The following DAP3 variants were observed in gnomAD, a reference collection of about 807,000 sequenced individuals.
DAP3 encodes death associated protein 3, also known as small ribosomal subunit protein mS29.
A neutral mutation model predicts 51.9 loss-of-function variants in DAP3; 28 were observed. The observed-to-expected ratio is 0.54, with a 90% CI of 0.40 to 0.74. The LOEUF (loss-of-function observed/expected upper bound fraction) is 0.74, where lower values mean the gene tolerates loss of function less well. DAP3 is among the 30% of genes least tolerant of loss of function. The pLI is 0.00. For synonymous variants in DAP3, 170 were observed against 170.3 expected (o/e 1.00, Z 0.01); for missense variants, 458 against 483.5 (o/e 0.95, Z 0.49).
At chr1:155,720,385 G>A (rs1317736445) in intron 3 of DAP3, among the ~76,000 whole-genome samples, 1 of 143,990 alleles carries the variant, frequency 6.9e-6, no homozygotes, top group Non-Finnish European at 1.5e-5. Context: ...GCTCACGCCT[G>A]TAATCCCAGC....
chr1:155,727,499 A>G (rs1658740881), intron 6 of DAP3, 109 bp from the exon 7 acceptor site: 1 of 1,211,976 alleles, frequency 8.3e-7, no homozygotes, highest in African/African-American at 1.6e-5. Flanking sequence ...AAAGAAATAT[A>G]TATATGAGAA....
In DAP3 at chr1:155,706,748, A is replaced by AAAAT. The variant is rs566737528; in HGVS notation, c.-7-3001_-7-2998dup. 1.8e-3 allele frequency among the ~76,000 whole-genome samples: 276 copies of AAAAT among 151,930 alleles called. 3 individuals carry two copies. Among genetic ancestry groups the AAAAT allele is most frequent in the South Asian group, 6.7e-3 (32 of 4,806 alleles). On this transcript the variant is annotated intron_variant, in intron 1 of 12. Transcript: ENST00000368336. ...GGGTGACAGAGCAAGACTTCATCGC[A>AAAAT]AAATAAATAAATAAATAAATAAATA...
At chr1:155,692,846 C>G (rs952006641) in intron 1 of DAP3, among the ~76,000 whole-genome samples, 2 of 142,008 alleles carry the variant, frequency 1.4e-5, no homozygotes, top group Admixed American at 6.6e-5. Flanking sequence ...TGTCTAAGAT[C>G]ATTTATTTGA....
Position 155,738,240 on chromosome 1 carries a change from T to C in DAP3, c.1195T>C (p.Ter399GlnextTer59). Residue 399 changes from the stop codon to glutamine (Q), a stop_lost, in exon 13 of 13, where the codon TAA becomes CAA. Coordinates refer to ENST00000368336, the MANE Select transcript of DAP3 (RefSeq NM_004632.4). ...GCTGGAGCGGCACTGTGCCTACCTC[T>C]AAGCCAAGATCACAGCATGTGAGGA... ...SLLERHCAYL[*>Q] 6.2e-7 allele frequency: 1 copy of C among 1,614,184 alleles called. No individual in the cohort carries two copies. Among genetic ancestry groups the C allele is most frequent in the Non-Finnish European group, 8.5e-7 (1 of 1,180,016 alleles).
intron 11 of DAP3, 125 bp from the exon 12 acceptor site, chr1:155,736,821 G>C: frequency 1.2e-6 from 1 of 814,562 alleles, no homozygotes; most frequent in Admixed American, 2.0e-5. Flanking sequence ...TGTTGCCAGA[G>C]AATGAGAAGT....
chr1:155,723,831 G>T (rs1658264565), intron 4 of DAP3, among the ~76,000 whole-genome samples: 1 of 152,152 alleles, frequency 6.6e-6, no homozygotes, highest in South Asian at 2.1e-4. Flanking sequence ...TTAAGGCCAG[G>T]AGTTCAAGAT....
intron 1 of DAP3, among the ~76,000 whole-genome samples, chr1:155,696,653 A>G (rs1193292157): frequency 6.6e-6 from 1 of 152,234 alleles, no homozygotes; most frequent in Non-Finnish European, 1.5e-5. Flanking sequence ...TTTGTTGCAC[A>G]TAGTATGTCA....
At chr1:155,718,881 C>T (rs1355725076) in intron 3 of DAP3, among the ~76,000 whole-genome samples, 1 of 152,088 alleles carries the variant, frequency 6.6e-6, no homozygotes, top group Non-Finnish European at 1.5e-5. Context: ...TTTTATCTGC[C>T]AATTCCTCTG....
intron 7 of DAP3, among the ~76,000 whole-genome samples, chr1:155,728,753 G>C (rs1658876973): frequency 6.6e-6 from 1 of 151,750 alleles, no homozygotes; most frequent in Admixed American, 6.6e-5. Context: ...CCAGCTACTT[G>C]GGAGGCTGAG....
intron 7 of DAP3, among the ~76,000 whole-genome samples, chr1:155,728,435 G>A (rs1046830009): frequency 5.3e-5 from 8 of 151,896 alleles, no homozygotes; most frequent in Admixed American, 6.6e-5. Flanking sequence ...GGTGGTGCAC[G>A]CCTGTAGGCC....
chr1:155,707,428 A>T (rs1385858386), intron 1 of DAP3, among the ~76,000 whole-genome samples: 1 of 151,860 alleles, frequency 6.6e-6, no homozygotes, highest in Admixed American at 6.6e-5. Flanking sequence ...AAAAAAAAAA[A>T]TTTATAGCCA....
Position 155,738,417 on chromosome 1 carries a change from T to G in DAP3, c.*175T>G. 1 of 536,456 alleles carries G rather than the reference T, an allele frequency of 1.9e-6. No individual in the cohort carries two copies. The highest frequency in any genetic ancestry group is 3.0e-5 in the South Asian group (1 of 33,518). The allele number at this position is 536,456 out of a possible 1,614,324, so 33.2% of individuals were successfully genotyped here. On this transcript the variant is annotated 3_prime_UTR_variant, in exon 13 of 13. Coordinates refer to ENST00000368336, the MANE Select transcript of DAP3 (RefSeq NM_004632.4). ...TAAAATGGGTTTCACTGTGAATGCGTGACAATAAGATATTCCCTTGTTCCT... is the reference window on the plus strand; with the variant it reads ...TAAAATGGGTTTCACTGTGAATGCGGGACAATAAGATATTCCCTTGTTCCT...
intron 9 of DAP3, among the ~76,000 whole-genome samples, chr1:155,730,220 TATTC>T (rs1335508631): frequency 6.7e-6 from 1 of 148,482 alleles, no homozygotes; most frequent in African/African-American, 2.5e-5. Flanking sequence ...GTATATATAA[TATTC>T]ATATATGTAT....
chr1:155,692,656 G>A (rs1272000694), intron 1 of DAP3, among the ~76,000 whole-genome samples: 1 of 141,980 alleles, frequency 7.0e-6, no homozygotes, highest in African/African-American at 3.2e-5. Flanking sequence ...CTTTAATTTG[G>A]CTATATTCAG....
chr1:155,734,389 G>T (rs1209454379), intron 11 of DAP3, among the ~76,000 whole-genome samples: 1 of 151,676 alleles, frequency 6.6e-6, no homozygotes, highest in Non-Finnish European at 1.5e-5. Flanking sequence ...GTTGCCTAGG[G>T]TGGTCTTGAA....
rs554040506 is a variant in DAP3 at position 155,712,540 on chromosome 1, A to G, written c.45+2716A>G. 2.8e-5 allele frequency among the ~76,000 whole-genome samples: 4 copies of G among 145,298 alleles called. No homozygotes were observed. In the East Asian group the frequency reaches 8.3e-4, roughly 30 times the overall value. On this transcript the variant is annotated intron_variant, in intron 2 of 12. Transcript: ENST00000368336. ...GGCAGCAGAATCGCTTGAACCTGGG[A>G]GACAGAGGTTGCAGTGAGCCAAGAT...
At chr1:155,731,903 T>C (rs1659276777) in intron 10 of DAP3, 41 bp from the exon 11 acceptor site, 2 of 1,550,836 alleles carry the variant, frequency 1.3e-6, no homozygotes, top group Non-Finnish European at 1.7e-6. Context: ...TTTCCATCCT[T>C]TTTAACTTTT....
In DAP3 at chr1:155,709,804, C is replaced by G. The variant is rs1656470831; in HGVS notation, c.25C>G (p.Leu9Val). 1.2e-6 allele frequency: 2 copies of G among 1,612,680 alleles called. No homozygotes were observed. The highest frequency in any genetic ancestry group is 2.7e-5 in the African/African-American group (2 of 74,578). Residue 9 changes from leucine (L) to valine (V), a missense_variant, in exon 2 of 13, where the codon CTT (leucine) becomes GTT (valine). By Grantham distance (32) the Leu-to-Val change is conservative. Transcript: ENST00000368336. ...GATGATGCTGAAAGGAATAACAAGG[C>G]TTATCTCTAGGATCCATAAGGTGAG... MMLKGITRLISRIHKLDPG... is the reference protein window; with the variant it reads MMLKGITRVISRIHKLDPG...
intron 3 of DAP3, 137 bp from the exon 4 acceptor site, chr1:155,721,380 G>A (rs1321104377): frequency 2.5e-6 from 1 of 393,298 alleles, no homozygotes; most frequent in South Asian, 8.5e-5. Context: ...GTATGTATGT[G>A]TATATATATA....
Sources: gnomAD v4.1 joint callset for allele counts (sites outside exome capture counted in the v4.1 genomes callset) on GRCh38, gnomAD v4.1.1 for gene constraint, MANE v1.5 for transcripts, NCBI Gene and HGNC (gene_info 2026-07-23, HGNC 2026-07-21) for gene names.